PPP2R2A: variants seen among roughly 807,000 people sequenced by gnomAD.
PPP2R2A encodes the protein serine/threonine-protein phosphatase 2A 55 kDa regulatory subunit B alpha isoform.
Under a neutral mutation model 53.2 loss-of-function variants are expected in PPP2R2A, and 9 were observed. The observed-to-expected ratio is 0.17, with a 90% CI of 0.10 to 0.30. The LOEUF (loss-of-function observed/expected upper bound fraction) is 0.30. Among genes scored for constraint, PPP2R2A ranks in the 10% least tolerant of loss-of-function variants. The probability of loss-of-function intolerance (pLI) is 1.00; values close to 1 mark genes in which losing one functional copy is unlikely to be tolerated. For missense variants in PPP2R2A, 235 were observed against 534.6 expected, an observed-to-expected ratio of 0.44 and a Z score of 5.53; for synonymous variants, 169 against 174.2, an observed-to-expected ratio of 0.97 and a Z score of 0.23.
chr8:26,366,215 GTGTA>G, intron 8 of PPP2R2A, 96 bp from the exon 9 acceptor site: 2 of 837,736 alleles, frequency 2.4e-6, no homozygotes, highest in South Asian at 3.2e-5. Flanking sequence ...TAAAAGGTGT[GTGTA>G]TGTGTCTGTA....
In PPP2R2A at chr8:26,338,529, C is replaced by G. The variant is rs1169920712; in HGVS notation, c.83-361C>G. 6.6e-6 allele frequency among the ~76,000 whole-genome samples: 1 copy of G among 152,208 alleles called. No individual in the cohort carries two copies. Among genetic ancestry groups the G allele is most frequent in the Non-Finnish European group, 1.5e-5 (1 of 68,036 alleles). On this transcript the variant is annotated intron_variant, in intron 2 of 9. Coordinates refer to ENST00000380737, the MANE Select transcript of PPP2R2A (RefSeq NM_002717.4). This position sits in a 1 kb window ranked among gnomAD's most constrained non-coding sequence, Gnocchi z 4.5. The stretch of plus-strand genomic sequence containing the variant: ...AGATGATTATTTGCATTTGCATAAA[C>G]AAGCTTATCAAATGTATATAAGAAA...
At chr8:26,325,119 G>C (rs928006177) in intron 2 of PPP2R2A, among the ~76,000 whole-genome samples, 1 of 151,296 alleles carries the variant, frequency 6.6e-6, no homozygotes, top group Non-Finnish European at 1.5e-5. Flanking sequence ...AAAATGTGAG[G>C]ACATGAGATT....
chr8:26,353,027 G>A (rs966439749), intron 3 of PPP2R2A, among the ~76,000 whole-genome samples: 3 of 152,136 alleles, frequency 2.0e-5, no homozygotes, highest in Admixed American at 6.5e-5. Context: ...ATTAAAAATC[G>A]AGTTGCCTGC....
intron 2 of PPP2R2A, among the ~76,000 whole-genome samples, chr8:26,319,398 G>A (rs1441961647): frequency 1.3e-5 from 2 of 152,098 alleles, no homozygotes; most frequent in Admixed American, 1.3e-4. Context: ...GTTTTCCATA[G>A]TGGCAGCACC....
chr8:26,361,257 T>C, intron 6 of PPP2R2A, 106 bp downstream of exon 6: 1 of 1,098,826 alleles, frequency 9.1e-7, no homozygotes, highest in Non-Finnish European at 1.3e-6. Flanking sequence ...ATAGTCTGTG[T>C]ACATATATGT....
At chr8:26,365,091 ACT>A (rs1805299359) in intron 8 of PPP2R2A, 1 of 152,218 alleles carries the variant, frequency 6.6e-6, no homozygotes, top group African/African-American at 2.4e-5. Context: ...ATAGTGAGAA[ACT>A]CTATAATGTG....
intron 2 of PPP2R2A, among the ~76,000 whole-genome samples, chr8:26,305,499 A>G (rs371759852): frequency 6.6e-6 from 1 of 152,136 alleles, no homozygotes; most frequent in Non-Finnish European, 1.5e-5. Context: ...CTCCTGTTTG[A>G]TTGAGTCTAC....
rs975589056 is a variant in PPP2R2A at position 26,291,552 on chromosome 8, C to G, written c.-268C>G. On this transcript the variant is annotated 5_prime_UTR_variant, in exon 1 of 10. Transcript: ENST00000380737. ...TGAAAGTGGAGTCGCCTGCCCCTGC[C>G]GCTGCCGCCGCCGCCGTCGCTGTCG... The G allele has an allele frequency of 7.5e-6, 4 of 533,828 alleles. No homozygotes were observed. The highest frequency in any genetic ancestry group is 2.0e-5 in the African/African-American group (1 of 49,590). The allele number at this position is 533,828 out of a possible 1,614,324, so 33.1% of individuals were successfully genotyped here. A position where few individuals can be genotyped will look rare whatever the true frequency, so the allele number is the denominator to read the frequency against.
chr8:26,292,049 C>CGGGGGT (rs1801320387), intron 1 of PPP2R2A: 1 of 548,626 alleles, frequency 1.8e-6, no homozygotes, highest in Non-Finnish European at 2.0e-6. Flanking sequence ...GGCGCCGTGG[C>CGGGGGT]GGGGGTGGGG....
At chr8:26,350,890 G>A (rs768546455) in intron 3 of PPP2R2A, among the ~76,000 whole-genome samples, 1 of 151,980 alleles carries the variant, frequency 6.6e-6, no homozygotes, top group Non-Finnish European at 1.5e-5. Flanking sequence ...AGTGGCTCAC[G>A]CCTGTAATCC....
chr8:26,327,556 G>C (rs181087053), intron 2 of PPP2R2A, among the ~76,000 whole-genome samples: 1 of 152,312 alleles, frequency 6.6e-6, no homozygotes, highest in East Asian at 1.9e-4. Flanking sequence ...TGGGAGGAAT[G>C]TCCTGCCCTT....
At chr8:26,318,955 T>C (rs1394489695) in intron 2 of PPP2R2A, among the ~76,000 whole-genome samples, 1 of 152,180 alleles carries the variant, frequency 6.6e-6, no homozygotes, top group East Asian at 1.9e-4. Context: ...CCACCATCCA[T>C]ATCCAGGACT....
At chr8:26,350,894 G>A (rs1395742702) in intron 3 of PPP2R2A, among the ~76,000 whole-genome samples, 5 of 152,110 alleles carry the variant, frequency 3.3e-5, no homozygotes, top group Non-Finnish European at 5.9e-5. Context: ...GCTCACGCCT[G>A]TAATCCTAGC....
intron 2 of PPP2R2A, among the ~76,000 whole-genome samples, chr8:26,332,846 C>T (rs183013747): frequency 6.6e-6 from 1 of 152,164 alleles, no homozygotes; most frequent in Non-Finnish European, 1.5e-5. Flanking sequence ...TGAATACTTA[C>T]ACATTATCCC....
intron 2 of PPP2R2A, among the ~76,000 whole-genome samples, chr8:26,316,646 A>G (rs926957637): frequency 6.6e-6 from 1 of 152,206 alleles, no homozygotes; most frequent in African/African-American, 2.4e-5. Context: ...ACAGACATTT[A>G]TTTCTCACAG....
intron 3 of PPP2R2A, among the ~76,000 whole-genome samples, chr8:26,340,621 A>G (rs1245933342): frequency 6.6e-6 from 1 of 152,116 alleles, no homozygotes; most frequent in Non-Finnish European, 1.5e-5. Flanking sequence ...GTCAATTAAA[A>G]GCTAATTTGG....
chr8:26,319,152 C>T (rs1456351314), intron 2 of PPP2R2A, among the ~76,000 whole-genome samples: 2 of 152,062 alleles, frequency 1.3e-5, no homozygotes, highest in African/African-American at 2.4e-5. Flanking sequence ...TCAGAATTTT[C>T]TTTCTTAAGG....
rs537261161 is a variant in PPP2R2A, at chr8:26,316,064, G to GTGCGACCTCGGCTCAC, written c.82+22328_82+22343dup. Among the ~76,000 whole-genome samples, 405 of 152,258 alleles carry GTGCGACCTCGGCTCAC rather than the reference G, an allele frequency of 2.7e-3. 1 individual carries two copies. The highest frequency in any genetic ancestry group is 4.6e-3 in the Non-Finnish European group (314 of 68,018). On this transcript the variant is annotated intron_variant, in intron 2 of 9. Transcript: ENST00000380737. ...TTGTTGCCCAGGCTGGAGTACAACG[G>GTGCGACCTCGGCTCAC]TGCGACCTCGGCTCACTGCAGCCTC...
chr8:26,295,244 C>G (rs1801492811), intron 2 of PPP2R2A, among the ~76,000 whole-genome samples: 1 of 152,098 alleles, frequency 6.6e-6, no homozygotes, highest in Non-Finnish European at 1.5e-5. Flanking sequence ...TAAACTCTGC[C>G]CACAAGGAGC....
Sources: gnomAD v4.1 joint callset for allele counts (sites outside exome capture counted in the v4.1 genomes callset) on GRCh38, gnomAD v4.1.1 for gene constraint, Gnocchi (gnomAD v3.1) non-coding constraint, MANE v1.5 for transcripts, NCBI Gene and HGNC (gene_info 2026-07-23, HGNC 2026-07-21) for gene names.